XKR9: variants seen among roughly 807,000 people sequenced by gnomAD.
XKR9 encodes XK related 9.
A neutral mutation model predicts 32.0 loss-of-function variants in XKR9; 32 were observed. That is an observed-to-expected ratio of 1.00 (90% CI 0.76 to 1.34). The LOEUF is 1.34. Among genes scored for constraint, XKR9 ranks in the 40% most tolerant of loss-of-function variants. The pLI, the probability that XKR9 is intolerant of heterozygous loss-of-function variation, is 0.00. For synonymous variants in XKR9, 168 were observed against 143.4 expected (o/e 1.17, Z -1.22); for missense variants, 546 against 429.7 (o/e 1.27, Z -2.39).
At chr8:70,919,057 G>A in the XKR9 span, among the ~76,000 whole-genome samples, 5 of 151,976 alleles carry the variant, frequency 3.3e-5, no homozygotes, top group South Asian at 2.1e-4. Context: ...GATTACAGGC[G>A]TGAGCCACTG....
chr8:70,927,444 T>G, the XKR9 span, among the ~76,000 whole-genome samples: 1 of 152,146 alleles, frequency 6.6e-6, no homozygotes, highest in Admixed American at 6.5e-5. Context: ...TTATAAATAA[T>G]AGAAACTTAT....
chr8:70,816,982 A>G, the XKR9 span, among the ~76,000 whole-genome samples: 3 of 152,182 alleles, frequency 2.0e-5, no homozygotes. Context: ...CACAATAACA[A>G]GAAGCATCTA....
chr8:70,738,705 T>C (rs1806908814), downstream of XKR9, among the ~76,000 whole-genome samples: 1 of 152,180 alleles, frequency 6.6e-6, no homozygotes, highest in East Asian at 1.9e-4. Context: ...ACATCTTTAT[T>C]TCTGCCTTCA....
At chr8:71,038,803 ATTT>A in the XKR9 span, among the ~76,000 whole-genome samples, 1 of 119,286 alleles carries the variant, frequency 8.4e-6, no homozygotes. Flanking sequence ...TTGGATGCTG[ATTT>A]TTTTTTTTTT....
At chr8:70,958,648 T>A in the XKR9 span, among the ~76,000 whole-genome samples, 1 of 152,246 alleles carries the variant, frequency 6.6e-6, no homozygotes, top group African/African-American at 2.4e-5. Context: ...GTAGGTTGTC[T>A]GTTCACTCTA....
the XKR9 span, among the ~76,000 whole-genome samples, chr8:71,054,508 T>C: frequency 6.6e-6 from 1 of 152,192 alleles, no homozygotes; most frequent in Non-Finnish European, 1.5e-5. Flanking sequence ...GAGCCTGCTC[T>C]GTCTCCCAAA....
chr8:70,990,259 A>T, the XKR9 span, among the ~76,000 whole-genome samples: 1 of 152,102 alleles, frequency 6.6e-6, no homozygotes, highest in East Asian at 1.9e-4. Flanking sequence ...AATTGTAATA[A>T]CTCTCCTTTA....
chr8:70,985,844 T>C, the XKR9 span, among the ~76,000 whole-genome samples: 1 of 152,120 alleles, frequency 6.6e-6, no homozygotes, highest in Non-Finnish European at 1.5e-5. Flanking sequence ...AGATAAGAGA[T>C]AAAAATAATG....
chr8:70,831,364 G>A, the XKR9 span, among the ~76,000 whole-genome samples: 1 of 150,940 alleles, frequency 6.6e-6, no homozygotes, highest in African/African-American at 2.4e-5. Context: ...CAGACATTCT[G>A]CTAGAGAAAA....
In XKR9 at chr8:70,754,320, G is replaced by A. The variant is rs200929396; in HGVS notation, n.353-35019G>A. Among the ~76,000 whole-genome samples, 38 of 144,242 alleles carry A rather than the reference G, an allele frequency of 2.6e-4. 2 individuals are homozygous for A. The highest frequency in any genetic ancestry group is 1.1e-3 in the South Asian group (5 of 4,408). 94.6% of individuals were successfully genotyped at this position (144,242 alleles called of 152,430 possible). A position where few individuals can be genotyped will look rare whatever the true frequency, so the allele number is the denominator to read the frequency against. On this transcript the variant is annotated intron_variant and non_coding_transcript_variant, in intron 2 of 3. Transcript: ENST00000520273. ...CTTATGGATAGGAAGAATCAATATC[G>A]TGAAAATGGCCATACTGCCCAAGGT...
the XKR9 span, among the ~76,000 whole-genome samples, chr8:71,018,086 T>C: frequency 1.3e-5 from 2 of 152,170 alleles, no homozygotes; most frequent in African/African-American, 4.8e-5. Context: ...GTTACCCATA[T>C]CAAAGTTAAA....
the XKR9 span, among the ~76,000 whole-genome samples, chr8:70,809,446 A>G: frequency 6.6e-6 from 1 of 152,244 alleles, no homozygotes; most frequent in African/African-American, 2.4e-5. Flanking sequence ...TGGACGGAGA[A>G]TGACTTTGAT....
the XKR9 span, among the ~76,000 whole-genome samples, chr8:70,949,480 A>G: frequency 1.4e-4 from 21 of 152,036 alleles, no homozygotes; most frequent in South Asian, 4.4e-3. Context: ...CTTAATATAA[A>G]TTAAATCTTA....
chr8:70,736,699 T>C (rs1361158874), downstream of XKR9, among the ~76,000 whole-genome samples: 2 of 152,200 alleles, frequency 1.3e-5, no homozygotes, highest in Middle Eastern at 3.4e-3. Context: ...TAGCCAGTTT[T>C]CCCAGCACCA....
At chr8:70,819,028 TG>T in the XKR9 span, among the ~76,000 whole-genome samples, 2 of 152,194 alleles carry the variant, frequency 1.3e-5, no homozygotes, top group Admixed American at 6.5e-5. Context: ...CAGTCAAAGC[TG>T]GTTAAAATCA....
At chr8:70,943,405 G>A in the XKR9 span, among the ~76,000 whole-genome samples, 1 of 152,124 alleles carries the variant, frequency 6.6e-6, no homozygotes, top group Non-Finnish European at 1.5e-5. Flanking sequence ...TAAAGTAGGA[G>A]CATATGGATT....
chr8:70,820,123 A>G, the XKR9 span, among the ~76,000 whole-genome samples: 1 of 152,182 alleles, frequency 6.6e-6, no homozygotes, highest in African/African-American at 2.4e-5. Context: ...GAAGCAGGTC[A>G]TAAGACCCTC....
At chr8:70,908,821 A>T in the XKR9 span, among the ~76,000 whole-genome samples, 1 of 152,208 alleles carries the variant, frequency 6.6e-6, no homozygotes, top group South Asian at 2.1e-4. Flanking sequence ...GTATAAAAAA[A>T]AGGCATTAAG....
At chr8:71,027,923 C>T in the XKR9 span, among the ~76,000 whole-genome samples, 1 of 151,944 alleles carries the variant, frequency 6.6e-6, no homozygotes, top group Admixed American at 6.6e-5. Flanking sequence ...GAGTGCAGCA[C>T]CTTGCACAGC....
Sources: allele counts gnomAD v4.1 joint callset (sites outside exome capture counted in the v4.1 genomes callset), GRCh38; gene constraint gnomAD v4.1.1; transcripts MANE v1.5; gene names NCBI Gene and HGNC (gene_info 2026-07-23, HGNC 2026-07-21).